Variants in SVIL observed in about 807,000 individuals in gnomAD.
SVIL encodes the protein archvillin.
A neutral mutation model predicts 240.4 loss-of-function variants in SVIL; 101 were observed. The observed-to-expected ratio is 0.42, with a 90% CI of 0.36 to 0.50. The LOEUF is 0.50. Among genes scored for constraint, SVIL ranks in the 20% least tolerant of loss-of-function variants. SVIL has a pLI of 0.01. For missense variants in SVIL, 2,512 were observed against 2,818.7 expected (o/e 0.89, Z 2.46); for synonymous variants, 999 against 1,100.0 (o/e 0.91, Z 1.82).
chr10:29,510,047 C>T (rs1308170506), intron 17 of SVIL, among the ~76,000 whole-genome samples: 6 of 152,172 alleles, frequency 3.9e-5, no homozygotes, highest in African/African-American at 1.2e-4. Flanking sequence ...GGATCACAGT[C>T]GTGCGCTACC....
chr10:29,639,713 C>T (rs138373920), upstream of SVIL, among the ~76,000 whole-genome samples: 1,030 of 152,224 alleles, frequency 6.8e-3, 12 homozygotes, highest in Non-Finnish European at 0.01. Flanking sequence ...GTGATCTGCC[C>T]GCCTTGGCCT....
intron 2 of SVIL, among the ~76,000 whole-genome samples, chr10:29,682,857 T>C (rs1157291750): frequency 6.6e-6 from 1 of 152,194 alleles, no homozygotes; most frequent in Non-Finnish European, 1.5e-5. Context: ...TGGGGAGAGT[T>C]GGCCAAGGGA....
intron 1 of SVIL, among the ~76,000 whole-genome samples, chr10:29,693,995 A>T (rs566839312): frequency 6.6e-6 from 1 of 152,112 alleles, no homozygotes; most frequent in Non-Finnish European, 1.5e-5. Context: ...ATAAAATTGC[A>T]ATTCCATCTT....
At chr10:29,595,427 G>A (rs1956546487) in intron 1 of SVIL, among the ~76,000 whole-genome samples, 1 of 152,228 alleles carries the variant, frequency 6.6e-6, no homozygotes, top group Admixed American at 6.5e-5. Flanking sequence ...GCTGGCCACA[G>A]CACAGAAAGG....
chr10:29,684,070 CA>C (rs1352742626), intron 2 of SVIL, among the ~76,000 whole-genome samples: 1 of 151,880 alleles, frequency 6.6e-6, no homozygotes, highest in Non-Finnish European at 1.5e-5. Flanking sequence ...AAAAAAACTC[CA>C]AAAAACTCTG....
chr10:29,527,012 A>G lies in SVIL; in HGVS notation c.2291T>C (p.Met764Thr). The change falls in exon 13 of 38, where the codon ATG (methionine) becomes ACG (threonine). Residue 764 changes from methionine to threonine, a missense_variant. By Grantham distance (81) the Met-to-Thr change is moderately conservative (BLOSUM62 -1). Transcript: ENST00000355867. ...ASCSGGTHPVMARLPSPTVAR... is the reference protein window; with the variant it reads ...ASCSGGTHPVTARLPSPTVAR... ...TACAGTGGGGCTAGGAAGTCTCGCCATTACAGGGTGGGTGCCCCCAGAACA... is the reference window on the plus strand; with the variant it reads ...TACAGTGGGGCTAGGAAGTCTCGCCGTTACAGGGTGGGTGCCCCCAGAACA... 1.2e-6 allele frequency: 2 copies of G among 1,613,414 alleles called. No individual in the cohort carries two copies. Among genetic ancestry groups the G allele is most frequent in the Non-Finnish European group, 1.7e-6 (2 of 1,179,730 alleles).
intron 23 of SVIL, among the ~76,000 whole-genome samples, 169 bp downstream of exon 23, chr10:29,488,432 G>C (rs1214392554): frequency 6.6e-6 from 1 of 152,094 alleles, no homozygotes; most frequent in African/African-American, 2.4e-5. Context: ...CATGGGATTT[G>C]GGGAAGCTTG....
intron 2 of SVIL, among the ~76,000 whole-genome samples, chr10:29,680,101 C>T (rs2132584030): frequency 6.6e-6 from 1 of 152,226 alleles, no homozygotes; most frequent in Non-Finnish European, 1.5e-5. Context: ...GGGAGGATCT[C>T]TTAAGTCCAA....
intron 30 of SVIL, 70 bp from the exon 31 acceptor site, chr10:29,471,313 C>A: frequency 8.3e-7 from 1 of 1,199,632 alleles, no homozygotes; most frequent in South Asian, 1.5e-5. Flanking sequence ...CAATACATGC[C>A]TCTTGCAGAA....
chr10:29,643,574 C>A (rs1362904662), intron 3 of SVIL, among the ~76,000 whole-genome samples: 1 of 152,100 alleles, frequency 6.6e-6, no homozygotes, highest in Admixed American at 6.6e-5. Context: ...GCATAAATTT[C>A]TTTTTAAAGA....
chr10:29,531,765 A>C (rs1393663249), intron 9 of SVIL, among the ~76,000 whole-genome samples: 2 of 152,270 alleles, frequency 1.3e-5, no homozygotes, highest in Non-Finnish European at 1.5e-5. Flanking sequence ...AATGTTTCTT[A>C]CTTCTTATCA....
intron 20 of SVIL, 127 bp downstream of exon 20, chr10:29,494,787 G>A: frequency 1.1e-6 from 1 of 878,688 alleles, no homozygotes; most frequent in Non-Finnish European, 1.8e-6. Flanking sequence ...ACGTTATCAA[G>A]TGAATCAGGG....
At chr10:29,553,716 A>G (rs772708668) in intron 5 of SVIL, among the ~76,000 whole-genome samples, 3 of 152,234 alleles carry the variant, frequency 2.0e-5, no homozygotes, top group Non-Finnish European at 4.4e-5. Flanking sequence ...TGATGACAAC[A>G]ATGACTGAGT....
At chr10:29,666,284 G>A (rs1280504200) in intron 2 of SVIL, among the ~76,000 whole-genome samples, 1 of 152,010 alleles carries the variant, frequency 6.6e-6, no homozygotes, top group African/African-American at 2.4e-5. Flanking sequence ...CTTTGAGAGA[G>A]GTAAAAAGGT....
chr10:29,711,474 T>A (rs973103382), intron 1 of SVIL, among the ~76,000 whole-genome samples: 1 of 150,466 alleles, frequency 6.6e-6, no homozygotes, highest in Non-Finnish European at 1.5e-5. Flanking sequence ...AAATGCGCCA[T>A]GACTGGACAG....
At chr10:29,715,322 T>C (rs1963552179) in intron 1 of SVIL, among the ~76,000 whole-genome samples, 1 of 152,194 alleles carries the variant, frequency 6.6e-6, no homozygotes, top group African/African-American at 2.4e-5. Flanking sequence ...TAGCCTATGA[T>C]GATTAATTGA....
At chr10:29,595,721 G>T (rs982227623) in intron 1 of SVIL, among the ~76,000 whole-genome samples, 2 of 152,118 alleles carry the variant, frequency 1.3e-5, no homozygotes, top group Non-Finnish European at 2.9e-5. Context: ...GGCCCATATC[G>T]TCCAAGCAGG....
At chr10:29,543,675 T>A (rs1952371408) in intron 6 of SVIL, among the ~76,000 whole-genome samples, 1 of 152,086 alleles carries the variant, frequency 6.6e-6, no homozygotes, top group South Asian at 2.1e-4. Context: ...TTACCTCTCT[T>A]CCTCCTCCAT....
At chr10:29,520,557 G>A (rs1191238498) in intron 16 of SVIL, among the ~76,000 whole-genome samples, 1 of 152,182 alleles carries the variant, frequency 6.6e-6, no homozygotes, top group Non-Finnish European at 1.5e-5. Context: ...TAATTTGTCA[G>A]TTGAAAAAGA....
Sources: allele counts gnomAD v4.1 joint callset (sites outside exome capture counted in the v4.1 genomes callset), GRCh38; gene constraint gnomAD v4.1.1; transcripts MANE v1.5; gene names NCBI Gene and HGNC (gene_info 2026-07-23, HGNC 2026-07-21).